The following WDPCP variants were observed in gnomAD, a reference collection of about 807,000 sequenced individuals.
WDPCP encodes WD repeat-containing and planar cell polarity effector protein fritz homolog.
Under a neutral mutation model 93.1 loss-of-function variants are expected in WDPCP, and 71 were observed. The observed-to-expected ratio is 0.76, with a 90% CI of 0.63 to 0.93. The LOEUF is 0.93. Among genes scored for constraint, WDPCP ranks in the 40% least tolerant of loss-of-function variants. WDPCP has a pLI of 0.00. For synonymous variants in WDPCP, 315 were observed against 315.0 expected (o/e 1.00, Z 0.00); for missense variants, 844 against 887.4 (o/e 0.95, Z 0.62).
At chr2:63,776,133 A>C (rs1396884211) in intron 2 of WDPCP, among the ~76,000 whole-genome samples, 1 of 151,786 alleles carries the variant, frequency 6.6e-6, no homozygotes, top group Non-Finnish European at 1.5e-5. Flanking sequence ...GTTGCTCCAC[A>C]AATGAAACAA....
chr2:63,426,148 G>A (rs1194797790), intron 9 of WDPCP, among the ~76,000 whole-genome samples: 2 of 152,162 alleles, frequency 1.3e-5, no homozygotes, highest in African/African-American at 4.8e-5. Flanking sequence ...AGACCAGCCT[G>A]GCCAATATGG....
chr2:63,303,446 T>G (rs1685482443), intron 13 of WDPCP, among the ~76,000 whole-genome samples: 1 of 152,192 alleles, frequency 6.6e-6, no homozygotes. Context: ...CCCAGGTATT[T>G]GACTGATACG....
chr2:63,245,867 G>A (rs1680229753), intron 14 of WDPCP, among the ~76,000 whole-genome samples: 1 of 152,012 alleles, frequency 6.6e-6, no homozygotes, highest in Non-Finnish European at 1.5e-5. Context: ...GGATAACTGG[G>A]GTATCCATCA....
intron 6 of WDPCP, among the ~76,000 whole-genome samples, chr2:63,471,300 A>G (rs1699675571): frequency 6.6e-6 from 1 of 152,218 alleles, no homozygotes; most frequent in Non-Finnish European, 1.5e-5. Context: ...TTTCTGGATC[A>G]TATCTCAGAT....
intron 2 of WDPCP, among the ~76,000 whole-genome samples, chr2:63,721,851 T>C (rs1216943492): frequency 2.6e-5 from 4 of 152,164 alleles, no homozygotes; most frequent in East Asian, 1.9e-4. Context: ...CTGATTCTCC[T>C]GACTCAGCCT....
chr2:63,533,355 G>A (rs1014020723), intron 1 of WDPCP, among the ~76,000 whole-genome samples: 14 of 152,100 alleles, frequency 9.2e-5, no homozygotes, highest in African/African-American at 2.9e-4. Context: ...TGCACCAAGC[G>A]AACCTAATAG....
chr2:63,718,968 C>A (rs2103779181), intron 2 of WDPCP, among the ~76,000 whole-genome samples: 1 of 152,158 alleles, frequency 6.6e-6, no homozygotes, highest in East Asian at 1.9e-4. Context: ...GGGTACTTGC[C>A]AATATAGCCT....
At chr2:63,600,549 G>T (rs1709398995) in intron 3 of WDPCP, among the ~76,000 whole-genome samples, 1 of 152,160 alleles carries the variant, frequency 6.6e-6, no homozygotes, top group South Asian at 2.1e-4. Flanking sequence ...GTTCTTATGA[G>T]GATTAAATAA....
intron 6 of WDPCP, among the ~76,000 whole-genome samples, chr2:63,454,194 T>C (rs965640131): frequency 6.6e-6 from 1 of 151,956 alleles, no homozygotes; most frequent in Non-Finnish European, 1.5e-5. Flanking sequence ...GAGGAGTTCA[T>C]GTCCTTTCCA....
At chr2:63,271,617 C>T (rs966671723) in intron 13 of WDPCP, among the ~76,000 whole-genome samples, 2 of 152,166 alleles carry the variant, frequency 1.3e-5, no homozygotes, top group African/African-American at 2.4e-5. Flanking sequence ...TGAAAACAGG[C>T]CTGCCCTGCC....
intron 1 of WDPCP, among the ~76,000 whole-genome samples, chr2:63,533,623 C>T (rs971428418): frequency 1.3e-5 from 2 of 151,910 alleles, no homozygotes; most frequent in African/African-American, 2.4e-5. Context: ...GGGTACATAA[C>T]GAAATGAAGG....
intron 2 of WDPCP, among the ~76,000 whole-genome samples, chr2:63,694,221 T>C (rs1166436861): frequency 1.3e-5 from 2 of 152,158 alleles, no homozygotes; most frequent in Non-Finnish European, 2.9e-5. Context: ...TTAGAATAGA[T>C]CAATGATTGG....
chr2:63,257,368 G>A (rs1290377762), intron 14 of WDPCP, among the ~76,000 whole-genome samples: 1 of 152,190 alleles, frequency 6.6e-6, no homozygotes, highest in Admixed American at 6.5e-5. Flanking sequence ...CCAGCATGAT[G>A]TGGGCTGCAA....
At chr2:63,613,825 T>C (rs1709644625) in intron 3 of WDPCP, among the ~76,000 whole-genome samples, 1 of 152,210 alleles carries the variant, frequency 6.6e-6, no homozygotes, top group Non-Finnish European at 1.5e-5. Flanking sequence ...AGGTTATCTC[T>C]GGTATTTCCC....
At chr2:63,525,255 G>C (rs1004234843) in intron 1 of WDPCP, among the ~76,000 whole-genome samples, 1 of 152,172 alleles carries the variant, frequency 6.6e-6, no homozygotes, top group African/African-American at 2.4e-5. Context: ...AGGGTGGAGG[G>C]TGGAAGGAGG....
chr2:63,574,209 A>T (rs900945930), intron 1 of WDPCP, among the ~76,000 whole-genome samples: 1 of 151,998 alleles, frequency 6.6e-6, no homozygotes, highest in Non-Finnish European at 1.5e-5. Context: ...ACTAATAAAA[A>T]CCTGCTGGTT....
At chr2:63,452,050 C>G (rs1698287980) in intron 6 of WDPCP, among the ~76,000 whole-genome samples, 3 of 152,192 alleles carry the variant, frequency 2.0e-5, no homozygotes, top group South Asian at 4.1e-4. Flanking sequence ...GATGCCCTCT[C>G]TCACCACTCC....
chr2:63,523,317 AG>A (rs1703079171), intron 1 of WDPCP, among the ~76,000 whole-genome samples: 1 of 152,186 alleles, frequency 6.6e-6, no homozygotes, highest in Non-Finnish European at 1.5e-5. Flanking sequence ...CACAATAATA[AG>A]GGCCATTTAT....
intron 14 of WDPCP, among the ~76,000 whole-genome samples, chr2:63,182,720 A>G (rs1291902982): frequency 6.7e-6 from 1 of 149,714 alleles, no homozygotes; most frequent in African/African-American, 2.5e-5. Context: ...GGGCATTGGT[A>G]CCAGTTCTTT....
Sources: allele counts gnomAD v4.1 joint callset (sites outside exome capture counted in the v4.1 genomes callset), GRCh38; gene constraint gnomAD v4.1.1; transcripts MANE v1.5; gene names NCBI Gene and HGNC (gene_info 2026-07-23, HGNC 2026-07-21).